The following FRAS1 variants were observed in gnomAD, a reference collection of about 807,000 sequenced individuals.
FRAS1 encodes extracellular matrix organizing protein FRAS1.
In FRAS1, 290 loss-of-function variants were observed where a neutral mutation model predicts 435.2. That is an observed-to-expected ratio of 0.67 (90% CI 0.61 to 0.73). FRAS1 has a LOEUF of 0.73. FRAS1 is among the 30% of genes least tolerant of loss of function. FRAS1 has a pLI of 0.00. For missense variants in FRAS1, 4,860 were observed against 5,001.5 expected (o/e 0.97, Z 0.85); for synonymous variants, 1,800 against 1,851.0 (o/e 0.97, Z 0.71).
chr4:78,244,228 A>G (rs554915310), intron 3 of FRAS1, among the ~76,000 whole-genome samples: 2 of 152,228 alleles, frequency 1.3e-5, no homozygotes, highest in East Asian at 3.9e-4. Context: ...TGAAGCAACC[A>G]AAAATAAATA....
At chr4:78,317,047 T>A (rs1729289004) in intron 16 of FRAS1, among the ~76,000 whole-genome samples, 1 of 152,228 alleles carries the variant, frequency 6.6e-6, no homozygotes, top group Non-Finnish European at 1.5e-5. Flanking sequence ...GACCTCAGTC[T>A]CCTCATCTAT....
In FRAS1 at chr4:78,518,565, T is replaced by A. The variant is rs114677367; in HGVS notation, c.10390-766T>A. 8.7e-3 allele frequency among the ~76,000 whole-genome samples: 1,319 copies of A among 151,994 alleles called. 23 individuals carry two copies. Among genetic ancestry groups the A allele is most frequent in the African/African-American group, 0.03 (1,262 of 41,460 alleles). The stretch of plus-strand genomic sequence containing the variant: ...CTAGCTTCACCACAAAAGCTTCTGC[T>A]ACCATTCTGTTATCTTTCCATCCAG... On this transcript the variant is annotated intron_variant, in intron 66 of 73. Coordinates refer to ENST00000512123, the MANE Select transcript of FRAS1 (RefSeq NM_025074.7).
chr4:78,295,135 T>C (rs1013124010), intron 14 of FRAS1, among the ~76,000 whole-genome samples: 2 of 152,368 alleles, frequency 1.3e-5, no homozygotes, highest in East Asian at 1.9e-4. Context: ...GGCTATGCAA[T>C]CATTCATTTA....
At chr4:78,090,848 T>C (rs1007504887) in intron 2 of FRAS1, among the ~76,000 whole-genome samples, 1 of 152,198 alleles carries the variant, frequency 6.6e-6, no homozygotes, top group Admixed American at 6.5e-5. Flanking sequence ...TTTTCAAATG[T>C]AAAACTTCTA....
Position 78,537,092 on chromosome 4 carries a change from G to A in FRAS1, c.11190G>A (p.Lys3730=). 6.2e-7 allele frequency: 1 copy of A among 1,613,994 alleles called. No homozygotes were observed. Among genetic ancestry groups the A allele is most frequent in the Non-Finnish European group, 8.5e-7 (1 of 1,179,866 alleles). ...AGAAAGTCTATCTTTGTACGGGCAA[G>A]GATGGTTATGTGCCTTTCTTTGATC... ...QLEKVYLCTG[K]DGYVPFFDPT... Residue 3730 remains lysine, a synonymous_variant, in exon 72 of 74, where the codon AAG becomes AAA. Transcript: ENST00000512123.
chr4:78,130,492 C>A (rs762608068), intron 2 of FRAS1, among the ~76,000 whole-genome samples: 1 of 152,130 alleles, frequency 6.6e-6, no homozygotes, highest in Non-Finnish European at 1.5e-5. Flanking sequence ...ACTTTTTAGG[C>A]GCCCTTGCCT....
intron 2 of FRAS1, among the ~76,000 whole-genome samples, chr4:78,216,548 T>C (rs188049503): frequency 1.3e-5 from 2 of 152,282 alleles, no homozygotes; most frequent in East Asian, 3.9e-4. Flanking sequence ...ATAGGGATAA[T>C]AGAGAAGCAG....
intron 2 of FRAS1, among the ~76,000 whole-genome samples, chr4:78,225,863 C>T (rs1023385756): frequency 6.6e-6 from 1 of 152,120 alleles, no homozygotes; most frequent in African/African-American, 2.4e-5. Context: ...TCCAGTCTGA[C>T]AATTTTTATC....
intron 9 of FRAS1, among the ~76,000 whole-genome samples, chr4:78,277,188 A>T (rs1041544737): frequency 1.3e-5 from 2 of 152,112 alleles, no homozygotes; most frequent in Non-Finnish European, 1.5e-5. Context: ...GGTGGGAGTA[A>T]CCCAATTTTC....
chr4:78,308,663 TC>T (rs1728892149), intron 15 of FRAS1, among the ~76,000 whole-genome samples: 1 of 152,214 alleles, frequency 6.6e-6, no homozygotes, highest in Admixed American at 6.5e-5. Flanking sequence ...GCAGTTATTA[TC>T]CATTCTACCT....
chr4:78,502,893 A>T (rs1446574667), intron 61 of FRAS1, among the ~76,000 whole-genome samples: 3 of 152,180 alleles, frequency 2.0e-5, no homozygotes, highest in Non-Finnish European at 1.5e-5. Flanking sequence ...CATTCCATCA[A>T]TACCTAGTTT....
intron 43 of FRAS1, among the ~76,000 whole-genome samples, chr4:78,447,202 G>T (rs1419468380): frequency 6.9e-6 from 1 of 144,140 alleles, no homozygotes; most frequent in Non-Finnish European, 1.5e-5. Context: ...TCTTCTCAGG[G>T]TAGACATCAG....
intron 41 of FRAS1, 37 bp downstream of exon 41, chr4:78,441,334 G>T: frequency 6.3e-7 from 1 of 1,585,422 alleles, no homozygotes; most frequent in Non-Finnish European, 8.6e-7. Flanking sequence ...GACCTTGAGA[G>T]AAGGGAGGGG....
chr4:78,151,688 A>C (rs374494885), intron 2 of FRAS1, among the ~76,000 whole-genome samples: 1 of 152,194 alleles, frequency 6.6e-6, no homozygotes, highest in African/African-American at 2.4e-5. Flanking sequence ...AAAGTAAGAC[A>C]TTTTCTTAAA....
In FRAS1 at chr4:78,282,888, C is replaced by A; in HGVS notation, c.1176C>A (p.Tyr392Ter). Reference protein sequence around the residue: ...CECRGAQVTCYEPSCPPCPVG... With the variant: ...CECRGAQVTC ...GCCGAGGGGCTCAGGTAACTTGCTA[C>A]GAGCCCTCTTGCCCACCATGTCCAG... Residue 392 changes from tyrosine to a stop codon, truncating the protein, a stop_gained, in exon 12 of 74, where the codon TAC (tyrosine) becomes TAA (stop). Coordinates refer to ENST00000512123, the MANE Select transcript of FRAS1 (RefSeq NM_025074.7). LOFTEE classifies it high-confidence loss of function. 2 of 1,612,478 alleles carry A rather than the reference C, an allele frequency of 1.2e-6. No homozygotes were observed. The highest frequency in any genetic ancestry group is 1.7e-6 in the Non-Finnish European group (2 of 1,179,480).
rs775737013 is a variant in FRAS1, at chr4:78,284,419, G to C, written c.1270G>C (p.Asp424His). The C allele has an allele frequency of 1.3e-5, 21 of 1,613,644 alleles. No homozygotes were observed. The East Asian group carries it at 4.0e-4, about 31-fold the overall frequency. ...PDCTSVHCHP[D>H]CLTCSQSPDH... ...CTTGATTTCAGTTCATTGCCATCCA[G>C]ATTGTTTGACATGCTCTCAGTCTCC... The change falls in exon 13 of 74, where the codon GAT becomes CAT. Residue 424 changes from aspartate to histidine, a missense_variant. Coordinates refer to ENST00000512123, the MANE Select transcript of FRAS1 (RefSeq NM_025074.7).
chr4:78,204,145 A>G (rs1723157415), intron 2 of FRAS1, among the ~76,000 whole-genome samples: 1 of 152,226 alleles, frequency 6.6e-6, no homozygotes, highest in African/African-American at 2.4e-5. Flanking sequence ...AAGTAGAAAC[A>G]CACATAAAAC....
At chr4:78,087,880 T>C (rs1050834895) in intron 2 of FRAS1, among the ~76,000 whole-genome samples, 5 of 152,140 alleles carry the variant, frequency 3.3e-5, no homozygotes, top group East Asian at 1.9e-4. Flanking sequence ...AATGCCATCC[T>C]CATCAAACTA....
At chr4:78,439,410 C>T (rs1215010927) in intron 40 of FRAS1, among the ~76,000 whole-genome samples, 1 of 152,006 alleles carries the variant, frequency 6.6e-6, no homozygotes, top group African/African-American at 2.4e-5. Flanking sequence ...GGACAATGAC[C>T]CCAAATCACT....
Sources: gnomAD v4.1 joint callset for allele counts (sites outside exome capture counted in the v4.1 genomes callset) on GRCh38, gnomAD v4.1.1 for gene constraint, MANE v1.5 for transcripts, NCBI Gene and HGNC (gene_info 2026-07-23, HGNC 2026-07-21) for gene names.